Variants in RASD2 observed in about 807,000 individuals in gnomAD.
RASD2 encodes GTP-binding protein Rhes.
Under a neutral mutation model 15.8 loss-of-function variants are expected in RASD2, and 7 were observed. The observed-to-expected ratio is 0.44, with a 90% CI of 0.25 to 0.83. The LOEUF (loss-of-function observed/expected upper bound fraction) is 0.83, where lower values mean the gene tolerates loss of function less well. Ranked by LOEUF, RASD2 falls within the 40% of genes least tolerant of loss-of-function variation. The pLI, the probability that RASD2 is intolerant of heterozygous loss-of-function variation, is 0.20. For synonymous variants in RASD2, 155 were observed against 153.6 expected, an observed-to-expected ratio of 1.01 and a Z score of -0.07; for missense variants, 274 against 382.8, an observed-to-expected ratio of 0.72 and a Z score of 2.37.
At chr22:35,546,144 C>T (rs1412064954) in intron 1 of RASD2, among the ~76,000 whole-genome samples, 4 of 152,094 alleles carry the variant, frequency 2.6e-5, no homozygotes, top group Admixed American at 6.5e-5. Flanking sequence ...GGAGGGAGCC[C>T]GCCAGATGCA....
Position 35,547,130 on chromosome 22 carries a change from G to A in RASD2, c.271+50G>A, listed in dbSNP as rs781463906. 15 of 1,560,852 alleles carry A rather than the reference G, an allele frequency of 9.6e-6. No homozygotes were observed. In the South Asian group the frequency reaches 1.6e-4, roughly 17 times the overall value. On this transcript the variant is annotated intron_variant, in intron 2 of 2. Transcript: ENST00000216127. Reference sequence around the variant, plus strand: ...GGGGCGGCAGGGCCAGGGCATGGGTGCGGAGTGTGCTGGGCACTTGGCAGT... The same window carrying A: ...GGGGCGGCAGGGCCAGGGCATGGGTACGGAGTGTGCTGGGCACTTGGCAGT...
intron 2 of RASD2, among the ~76,000 whole-genome samples, chr22:35,548,017 C>T (rs1407480472): frequency 3.3e-5 from 5 of 152,212 alleles, no homozygotes; most frequent in Admixed American, 2.0e-4. Context: ...CCAGTGGTAG[C>T]ACAGCTCGTA....
In RASD2 at chr22:35,551,452, C is replaced by T; in HGVS notation, c.272-51C>T. On this transcript the variant is annotated intron_variant, in intron 2 of 2. Coordinates refer to ENST00000216127, the MANE Select transcript of RASD2 (RefSeq NM_014310.4). This position sits in a 1 kb window ranked among gnomAD's most constrained non-coding sequence, Gnocchi z 4.9. ...CTGATGTTCTGTGGCCAGAGGAGGGCAGGGGTTGCAGCTGGCCGGTGAACT... is the reference window on the plus strand; with the variant it reads ...CTGATGTTCTGTGGCCAGAGGAGGGTAGGGGTTGCAGCTGGCCGGTGAACT... 6.4e-7 allele frequency: 1 copy of T among 1,564,262 alleles called. No individual in the cohort carries two copies. The highest frequency in any genetic ancestry group is 8.7e-7 in the Non-Finnish European group (1 of 1,146,700).
In RASD2 at chr22:35,551,717, C is replaced by T. The variant is rs1025405344; in HGVS notation, c.486C>T (p.Gly162=). 21 of 1,613,750 alleles carry T rather than the reference C, an allele frequency of 1.3e-5. No homozygotes were observed. Among genetic ancestry groups the T allele is most frequent in the African/African-American group, 5.3e-5 (4 of 75,012 alleles). ...PTTEAELLVS[G]DENCAYFEVS... ...CCGAGGCCGAGCTGCTGGTGTCGGG[C>T]GACGAGAACTGCGCCTACTTCGAGG... is the stretch of plus-strand genomic sequence containing the variant. The change falls in exon 3 of 3, where the codon GGC becomes GGT. Residue 162 remains glycine, a synonymous_variant. Transcript: ENST00000216127. The surrounding 1 kb of genome is among the most constrained non-coding windows in gnomAD (Gnocchi z 4.9).
the RASD2 span, among the ~76,000 whole-genome samples, chr22:35,533,366 C>T: frequency 6.6e-6 from 1 of 152,232 alleles, no homozygotes; most frequent in Admixed American, 6.5e-5. Flanking sequence ...CTTTGTGTCT[C>T]CATTTGGACC....
chr22:35,551,976 G>A lies in RASD2; in HGVS notation c.745G>A (p.Ala249Thr), dbSNP rs1479820964. 3.1e-6 allele frequency: 5 copies of A among 1,602,454 alleles called. No individual in the cohort carries two copies. Among genetic ancestry groups the A allele is most frequent in the Non-Finnish European group, 4.2e-6 (5 of 1,179,940 alleles). The change falls in exon 3 of 3, where the codon GCC becomes ACC. Residue 249 changes from alanine to threonine, a missense_variant. Physicochemically the swap from Ala to Thr is moderately conservative, Grantham distance 58. Coordinates refer to ENST00000216127, the MANE Select transcript of RASD2 (RefSeq NM_014310.4). This position sits in a 1 kb window ranked among gnomAD's most constrained non-coding sequence, Gnocchi z 4.9. ...SVNSDLKYIK[A>T]KVLREGQARE... ...CAACAGTGACCTCAAGTACATCAAGGCCAAGGTCCTTCGGGAAGGCCAGGC... is the reference window on the plus strand; with the variant it reads ...CAACAGTGACCTCAAGTACATCAAGACCAAGGTCCTTCGGGAAGGCCAGGC...
intron 2 of RASD2, among the ~76,000 whole-genome samples, chr22:35,549,125 C>G (rs1466004849): frequency 6.6e-6 from 1 of 152,260 alleles, no homozygotes; most frequent in Non-Finnish European, 1.5e-5. Flanking sequence ...AGCTAATGCC[C>G]CTTTGACCCA....
At chr22:35,540,573 G>A (rs1158529728), upstream of RASD2, among the ~76,000 whole-genome samples, 1 of 151,838 alleles carries the variant, frequency 6.6e-6, no homozygotes, top group Non-Finnish European at 1.5e-5. Flanking sequence ...AGGGGCGCGG[G>A]AGGGTGCCGC....
chr22:35,548,370 G>C (rs1158843914), intron 2 of RASD2, among the ~76,000 whole-genome samples: 2 of 152,220 alleles, frequency 1.3e-5, no homozygotes, highest in African/African-American at 2.4e-5. Context: ...TAAGGCGCTT[G>C]GTGAGCAGAT....
chr22:35,534,081 TA>T, the RASD2 span, among the ~76,000 whole-genome samples: 1 of 152,136 alleles, frequency 6.6e-6, no homozygotes, highest in Non-Finnish European at 1.5e-5. Context: ...CAGGGCATCA[TA>T]AAAAAAGATC....
chr22:35,552,413 G>A lies in RASD2; in HGVS notation c.*381G>A, dbSNP rs1277305423. 4.8e-6 allele frequency: 1 copy of A among 209,796 alleles called. No individual in the cohort carries two copies. The highest frequency in any genetic ancestry group is 9.6e-6 in the Non-Finnish European group (1 of 104,598). The allele number at this position is 209,796 out of a possible 1,614,324, so 13.0% of individuals were successfully genotyped here. On this transcript the variant is annotated 3_prime_UTR_variant, in exon 3 of 3. Coordinates refer to ENST00000216127, the MANE Select transcript of RASD2 (RefSeq NM_014310.4). Reference sequence around the variant, plus strand: ...CCTCAGGATGAAAAGGACACAGAAGGCCAGATGAGAAAGGTCTCCTCTCTC... The same window carrying A: ...CCTCAGGATGAAAAGGACACAGAAGACCAGATGAGAAAGGTCTCCTCTCTC...
chr22:35,550,406 A>G (rs191835237), intron 2 of RASD2, among the ~76,000 whole-genome samples: 1 of 138,262 alleles, frequency 7.2e-6, no homozygotes, highest in African/African-American at 2.7e-5. Context: ...ACACCACTGC[A>G]CTCCAGCCTG....
At chr22:35,542,867 T>C (rs1934389436) in intron 1 of RASD2, among the ~76,000 whole-genome samples, 2 of 152,124 alleles carry the variant, frequency 1.3e-5, no homozygotes, top group Admixed American at 1.3e-4. Context: ...GGGAGAATCC[T>C]GGGAGGTGCC....
the RASD2 span, among the ~76,000 whole-genome samples, chr22:35,535,811 G>GGCCC: frequency 6.6e-6 from 1 of 151,662 alleles, no homozygotes; most frequent in Non-Finnish European, 1.5e-5. Context: ...GACGTTAAGT[G>GGCCC]GCCCATTCAA....
Position 35,552,100 on chromosome 22 carries a change from C to A in RASD2, c.*68C>A. On this transcript the variant is annotated 3_prime_UTR_variant, in exon 3 of 3. Transcript: ENST00000216127. Reference sequence around the variant, plus strand: ...GGTGGCCCCAGATGCCCACTGTGCGCATCTCCCCACCGAGGCCCCGGCAGC... The same window carrying A: ...GGTGGCCCCAGATGCCCACTGTGCGAATCTCCCCACCGAGGCCCCGGCAGC... The A allele has an allele frequency of 6.6e-7, 1 of 1,512,056 alleles. No homozygotes were observed. The allele number at this position is 1,512,056 out of a possible 1,614,324, so 93.7% of individuals were successfully genotyped here.
chr22:35,536,056 T>G (rs1319179752), upstream of RASD2, among the ~76,000 whole-genome samples: 1 of 152,204 alleles, frequency 6.6e-6, no homozygotes, highest in East Asian at 1.9e-4. Flanking sequence ...GGATGTTTGG[T>G]GAGGCCTTGA....
chr22:35,533,810 T>G, the RASD2 span, among the ~76,000 whole-genome samples: 21 of 109,116 alleles, frequency 1.9e-4, no homozygotes, highest in South Asian at 3.0e-4. Context: ...CAGTGATGAT[T>G]GTGATGATGG....
the RASD2 span, among the ~76,000 whole-genome samples, chr22:35,533,886 ATGG>A: frequency 6.7e-6 from 1 of 148,194 alleles, no homozygotes; most frequent in Non-Finnish European, 1.5e-5. Flanking sequence ...GATGATGATG[ATGG>A]TGATGACGGG....
At chr22:35,533,518 T>C in the RASD2 span, among the ~76,000 whole-genome samples, 1 of 152,052 alleles carries the variant, frequency 6.6e-6, no homozygotes, top group Non-Finnish European at 1.5e-5. Flanking sequence ...GTGGTGATGA[T>C]GGTAATAATG....
Sources: gnomAD v4.1 joint callset for allele counts (sites outside exome capture counted in the v4.1 genomes callset) on GRCh38, gnomAD v4.1.1 for gene constraint, Gnocchi (gnomAD v3.1) non-coding constraint, MANE v1.5 for transcripts, NCBI Gene and HGNC (gene_info 2026-07-23, HGNC 2026-07-21) for gene names.